The following FAR2 variants were observed in gnomAD, a reference collection of about 807,000 sequenced individuals.
FAR2 encodes fatty acyl-CoA reductase 2.
In FAR2, 19 loss-of-function variants were observed where a neutral mutation model predicts 56.0. The observed-to-expected ratio is 0.34, with a 90% confidence interval of 0.24 to 0.50. The LOEUF is 0.50. Among genes scored for constraint, FAR2 ranks in the 20% least tolerant of loss-of-function variants. The pLI, the probability that FAR2 is intolerant of heterozygous loss-of-function variation, is 0.98. For missense variants in FAR2, 508 were observed against 642.2 expected (o/e 0.79, Z 2.26); for synonymous variants, 219 against 218.8 (o/e 1.00, Z -0.01).
intron 1 of FAR2, among the ~76,000 whole-genome samples, chr12:29,224,594 A>G (rs555959670): frequency 6.6e-6 from 1 of 152,276 alleles, no homozygotes; most frequent in East Asian, 1.9e-4. Flanking sequence ...TAAATAATCA[A>G]CTTCAAAGTA....
intron 1 of FAR2, among the ~76,000 whole-genome samples, chr12:29,203,137 A>C (rs1278984341): frequency 6.6e-6 from 1 of 152,224 alleles, no homozygotes; most frequent in Non-Finnish European, 1.5e-5. Context: ...TTCTAAAGAA[A>C]GAACTGATAT....
intron 1 of FAR2, among the ~76,000 whole-genome samples, chr12:29,170,585 C>T (rs1443110992): frequency 6.6e-6 from 1 of 152,134 alleles, no homozygotes; most frequent in African/African-American, 2.4e-5. Context: ...TTGTCTCTCT[C>T]TTTCTGACTC....
intron 10 of FAR2, among the ~76,000 whole-genome samples, chr12:29,323,626 C>T: frequency 6.6e-6 from 1 of 152,206 alleles, no homozygotes; most frequent in East Asian, 1.9e-4. Flanking sequence ...TGCTGATACC[C>T]AGGCAAACAG....
At chr12:29,309,342 A>G (rs1949307706) in intron 6 of FAR2, 112 bp downstream of exon 6, 1 of 750,832 alleles carries the variant, frequency 1.3e-6, no homozygotes, top group Non-Finnish European at 2.3e-6. Flanking sequence ...TTACTTTACT[A>G]ATAACTGAGG....
chr12:29,315,964 T>C (rs1219569812), intron 8 of FAR2, among the ~76,000 whole-genome samples: 4 of 149,474 alleles, frequency 2.7e-5, no homozygotes, highest in Non-Finnish European at 5.9e-5. Context: ...CAGAACCAAA[T>C]GTTTTAATAA....
rs2288125 is a variant in FAR2, at chr12:29,307,615, G to A, written c.546-43G>A. On this transcript the variant is annotated intron_variant, in intron 4 of 11. Transcript: ENST00000536681. Reference sequence around the variant, plus strand: ...TCTCACATTTTCCTTTTGGTTTATTGTCTAACATATGTTACTAGAATTCTC... The same window carrying A: ...TCTCACATTTTCCTTTTGGTTTATTATCTAACATATGTTACTAGAATTCTC... The A allele has an allele frequency of 1.3e-3, 2,021 of 1,537,724 alleles. 38 individuals carry two copies. The East Asian group carries it at 0.043, about 32-fold the overall frequency.
Position 29,316,898 on chromosome 12 carries a change from C to G in FAR2, c.1013C>G (p.Pro338Arg). 1 of 1,614,048 alleles carries G rather than the reference C, an allele frequency of 6.2e-7. No individual in the cohort carries two copies. The highest frequency in any genetic ancestry group is 8.5e-7 in the Non-Finnish European group (1 of 1,179,984). Reference protein sequence around the residue: ...KIPFERPFRRPNANFTSNSFT... With the variant: ...KIPFERPFRRRNANFTSNSFT... ...CCATTTGAGAGACCTTTCAGGAGGC[C>G]AAATGCTAATTTTACCAGCAACAGC... Residue 338 changes from proline to arginine, a missense_variant, in exon 9 of 12, where the codon CCA (proline) becomes CGA (arginine). By Grantham distance (103) the Pro-to-Arg change is moderately radical. Transcript: ENST00000536681.
chr12:29,254,951 A>C (rs1215391714), intron 1 of FAR2, among the ~76,000 whole-genome samples: 3 of 54,182 alleles, frequency 5.5e-5, no homozygotes, highest in African/African-American at 1.3e-4. Flanking sequence ...AGACTGTCTC[A>C]AAAAAAAAAA....
intron 1 of FAR2, among the ~76,000 whole-genome samples, chr12:29,227,305 G>A (rs1947784746): frequency 6.6e-6 from 1 of 152,140 alleles, no homozygotes; most frequent in Non-Finnish European, 1.5e-5. Flanking sequence ...GAATTTGAGA[G>A]AAAATAGAAA....
intron 1 of FAR2, among the ~76,000 whole-genome samples, chr12:29,237,081 A>AT (rs545228256): frequency 6.9e-4 from 105 of 152,184 alleles, no homozygotes; most frequent in Middle Eastern, 3.4e-3. Flanking sequence ...ACTTGAAAAT[A>AT]TTTTTTTCAG....
Position 29,297,061 on chromosome 12 carries a change from T to C in FAR2, c.406T>C (p.Leu136=), listed in dbSNP as rs2136758591. 3 of 1,611,150 alleles carry C rather than the reference T, an allele frequency of 1.9e-6. No homozygotes were observed. The highest frequency in any genetic ancestry group is 2.5e-6 in the Non-Finnish European group (3 of 1,179,064). Residue 136 remains leucine (L), a synonymous_variant, in exon 4 of 12, where the codon TTG becomes CTG. Transcript: ENST00000536681. Reference sequence around the variant, plus strand: ...TAACGTCACTGCCACCCGGCAGCTCTTGCTTATGGCTAGTCAGATGCCAAA... The same window carrying C: ...TAACGTCACTGCCACCCGGCAGCTCCTGCTTATGGCTAGTCAGATGCCAAA... ...QLNVTATRQL[L]LMASQMPKLE...
intron 1 of FAR2, among the ~76,000 whole-genome samples, chr12:29,199,299 T>C (rs1239621086): frequency 2.0e-5 from 3 of 152,112 alleles, no homozygotes; most frequent in East Asian, 1.9e-4. Context: ...TGAACATATA[T>C]GCATTTTGAA....
intron 10 of FAR2, among the ~76,000 whole-genome samples, chr12:29,329,004 A>T (rs1286816304): frequency 6.6e-6 from 1 of 152,216 alleles, no homozygotes; most frequent in Admixed American, 6.5e-5. Context: ...ATTCAAATCC[A>T]AGCCCTAGAA....
chr12:29,182,063 G>A (rs1165155523), intron 1 of FAR2, among the ~76,000 whole-genome samples: 1 of 152,184 alleles, frequency 6.6e-6, no homozygotes, highest in East Asian at 1.9e-4. Flanking sequence ...TCCCATAGAA[G>A]CCATCCTTGG....
chr12:29,257,221 C>G (rs1326262526), intron 1 of FAR2, among the ~76,000 whole-genome samples: 1 of 152,020 alleles, frequency 6.6e-6, no homozygotes, highest in Admixed American at 6.5e-5. Flanking sequence ...CACCCTGTGT[C>G]TAGCTCAGGG....
At chr12:29,290,826 G>A (rs1267488615) in intron 2 of FAR2, among the ~76,000 whole-genome samples, 1 of 152,170 alleles carries the variant, frequency 6.6e-6, no homozygotes, top group Non-Finnish European at 1.5e-5. Context: ...TGGACATAAA[G>A]AGTAGAAGGA....
chr12:29,154,277 TTTTCCTAAACTGCAGTCTATGAATTATTA>T (rs374319337), intron 1 of FAR2, among the ~76,000 whole-genome samples: 2,214 of 152,324 alleles, frequency 0.015, 50 homozygotes, highest in African/African-American at 0.049. Flanking sequence ...CTATAGCAGT[TTTTCCTAAACTGCAGTCTATGAATTATTA>T]TTTTCTTGGG....
chr12:29,292,563 C>T (rs886118012), intron 2 of FAR2, among the ~76,000 whole-genome samples: 3 of 152,134 alleles, frequency 2.0e-5, no homozygotes, highest in African/African-American at 7.2e-5. Context: ...TGTTAAAGAT[C>T]TTTCTGGAAG....
In FAR2 at chr12:29,156,259, A is replaced by G. The variant is rs549539100; in HGVS notation, c.-39+6852A>G. ...AATTTCAAATGTCTCACCAAAAAAAAGATAAGTGATGGCTACTGTATCCTC... is the reference window on the plus strand; with the variant it reads ...AATTTCAAATGTCTCACCAAAAAAAGGATAAGTGATGGCTACTGTATCCTC... On this transcript the variant is annotated intron_variant, in intron 1 of 11. Transcript: ENST00000536681. Among the ~76,000 whole-genome samples the G allele has an allele frequency of 1.0e-3, 154 of 152,362 alleles. 1 individual carries two copies. Among genetic ancestry groups the G allele is most frequent in the African/African-American group, 3.7e-3 (152 of 41,580 alleles).
Sources: gnomAD v4.1 joint callset for allele counts (sites outside exome capture counted in the v4.1 genomes callset) on GRCh38, gnomAD v4.1.1 for gene constraint, MANE v1.5 for transcripts, NCBI Gene and HGNC (gene_info 2026-07-23, HGNC 2026-07-21) for gene names.